Variants in SORCS2 observed in about 807,000 individuals in gnomAD.
The protein encoded by SORCS2 is sortilin related VPS10 domain containing receptor 2, also known as VPS10 domain-containing receptor SorCS2.
In SORCS2, 100 loss-of-function variants were observed where a neutral mutation model predicts 141.6. That is an observed-to-expected ratio of 0.71 (90% CI 0.60 to 0.83). The LOEUF (loss-of-function observed/expected upper bound fraction) is 0.83. Ranked by LOEUF, SORCS2 falls within the 40% of genes least tolerant of loss-of-function variation. SORCS2 has a pLI of 0.00. For missense variants in SORCS2, 1,646 were observed against 1,560.2 expected, an observed-to-expected ratio of 1.05 and a Z score of -0.93; for synonymous variants, 789 against 676.9, an observed-to-expected ratio of 1.17 and a Z score of -2.57.
intron 9 of SORCS2, among the ~76,000 whole-genome samples, chr4:7,681,700 T>G (rs2108965722): frequency 6.6e-6 from 1 of 152,334 alleles, no homozygotes; most frequent in Non-Finnish European, 1.5e-5. Context: ...GCTGCTGTTG[T>G]TCTCCCCATA....
intron 2 of SORCS2, among the ~76,000 whole-genome samples, chr4:7,521,671 C>T (rs1733338222): frequency 6.6e-6 from 1 of 152,246 alleles, no homozygotes; most frequent in Non-Finnish European, 1.5e-5. Flanking sequence ...CCTGGGAAAA[C>T]ACATCTGCAG....
rs368717075 is a variant in SORCS2, at chr4:7,676,047, C to T, written c.1162-3C>T. ...ACCCTGTGCTCCCTGCACATCCCCA[C>T]AGGATCTGCAGATCATCAGCACGGA... On this transcript the variant is annotated splice_region_variant and splice_polypyrimidine_tract_variant and intron_variant, in intron 8 of 26. Coordinates refer to ENST00000507866, the MANE Select transcript of SORCS2 (RefSeq NM_020777.3). 292 of 1,576,126 alleles carry T rather than the reference C, an allele frequency of 1.9e-4. 1 individual carries two copies. Among genetic ancestry groups the T allele is most frequent in the Middle Eastern group, 1.7e-4 (1 of 6,018 alleles).
intron 2 of SORCS2, among the ~76,000 whole-genome samples, chr4:7,474,029 C>T (rs1210719966): frequency 2.0e-5 from 3 of 152,188 alleles, no homozygotes; most frequent in Admixed American, 1.3e-4. Context: ...TGTGCCTTGG[C>T]ATGTGCTGAG....
chr4:7,443,450 A>G (rs1235343160), intron 2 of SORCS2, among the ~76,000 whole-genome samples: 1 of 152,162 alleles, frequency 6.6e-6, no homozygotes, highest in Non-Finnish European at 1.5e-5. Flanking sequence ...CAACCCCCTG[A>G]GATCACACAG....
chr4:7,698,359 T>C (rs1315675184), intron 12 of SORCS2, among the ~76,000 whole-genome samples: 1 of 152,252 alleles, frequency 6.6e-6, no homozygotes, highest in Non-Finnish European at 1.5e-5. Context: ...GATCCCAAAG[T>C]GCAGGCTTCA....
intron 1 of SORCS2, among the ~76,000 whole-genome samples, chr4:7,202,349 C>T (rs1727526625): frequency 6.6e-6 from 1 of 152,188 alleles, no homozygotes; most frequent in African/African-American, 2.4e-5. Context: ...TGAGTGAGGA[C>T]TCTCCTTGGA....
intron 2 of SORCS2, among the ~76,000 whole-genome samples, chr4:7,472,932 A>G (rs575322132): frequency 6.6e-6 from 1 of 152,092 alleles, no homozygotes; most frequent in African/African-American, 2.4e-5. Flanking sequence ...AAAAAAAACA[A>G]AATAGCCCTG....
At chr4:7,504,692 C>T (rs1272463858) in intron 2 of SORCS2, among the ~76,000 whole-genome samples, 5 of 152,202 alleles carry the variant, frequency 3.3e-5, no homozygotes, top group Non-Finnish European at 2.9e-5. Context: ...TATATGCTGT[C>T]GCTATCACGA....
At chr4:7,577,417 G>A (rs941430382) in intron 3 of SORCS2, among the ~76,000 whole-genome samples, 5 of 152,026 alleles carry the variant, frequency 3.3e-5, no homozygotes, top group Non-Finnish European at 7.4e-5. Context: ...TAGTGCCATG[G>A]TTTGGAGAAG....
At chr4:7,285,157 C>G (rs757584585) in intron 1 of SORCS2, among the ~76,000 whole-genome samples, 2 of 152,002 alleles carry the variant, frequency 1.3e-5, no homozygotes, top group East Asian at 3.9e-4. Context: ...CTCAGCCTCC[C>G]GAGGAGCTGG....
intron 2 of SORCS2, among the ~76,000 whole-genome samples, chr4:7,403,961 G>GTATATATATATATA (rs71635960): frequency 2.0e-3 from 59 of 29,674 alleles, no homozygotes; most frequent in South Asian, 3.6e-3. Flanking sequence ...CTCCATGTGT[G>GTATATATATATATA]TATATATATA....
intron 5 of SORCS2, among the ~76,000 whole-genome samples, chr4:7,659,189 C>T (rs1374971591): frequency 1.3e-5 from 2 of 150,658 alleles, no homozygotes; most frequent in South Asian, 2.1e-4. Context: ...GTTCAGTGGG[C>T]ACATGGAGAT....
At chr4:7,653,742 G>A (rs1228577156) in intron 4 of SORCS2, among the ~76,000 whole-genome samples, 1 of 152,192 alleles carries the variant, frequency 6.6e-6, no homozygotes, top group Non-Finnish European at 1.5e-5. Context: ...GGCCACTGCT[G>A]TGTCCTGCTC....
intron 1 of SORCS2, among the ~76,000 whole-genome samples, chr4:7,251,277 G>A (rs1713493277): frequency 6.6e-6 from 1 of 152,196 alleles, no homozygotes; most frequent in African/African-American, 2.4e-5. Context: ...TCTGGTCTCT[G>A]CTAAGGGATT....
chr4:7,537,787 G>A (rs1050495614), intron 3 of SORCS2, among the ~76,000 whole-genome samples: 4 of 152,050 alleles, frequency 2.6e-5, no homozygotes, highest in African/African-American at 7.3e-5. Flanking sequence ...CTGGAGCATC[G>A]CTTGAGCCCA....
At chr4:7,557,293 C>G (rs1714206711) in intron 3 of SORCS2, among the ~76,000 whole-genome samples, 1 of 152,120 alleles carries the variant, frequency 6.6e-6, no homozygotes, top group South Asian at 2.1e-4. Flanking sequence ...GCAGGGATGG[C>G]TGGGGGCACG....
chr4:7,704,757 C>T (rs1012533941), intron 14 of SORCS2, among the ~76,000 whole-genome samples: 18 of 152,198 alleles, frequency 1.2e-4, no homozygotes, highest in African/African-American at 3.4e-4. Flanking sequence ...GGAGCAGAGA[C>T]GCTTAGGACA....
At chr4:7,713,312 T>C (rs1200147690) in intron 15 of SORCS2, among the ~76,000 whole-genome samples, 1 of 151,822 alleles carries the variant, frequency 6.6e-6, no homozygotes, top group African/African-American at 2.4e-5. Context: ...AGACCATCAG[T>C]GGCCCATCTG....
At chr4:7,541,021 A>G (rs1015686120) in intron 3 of SORCS2, among the ~76,000 whole-genome samples, 5 of 152,180 alleles carry the variant, frequency 3.3e-5, no homozygotes, top group African/African-American at 4.8e-5. Context: ...GACAGGACCA[A>G]ACTATCCCTT....
Sources: allele counts gnomAD v4.1 joint callset (sites outside exome capture counted in the v4.1 genomes callset), GRCh38; gene constraint gnomAD v4.1.1; transcripts MANE v1.5; gene names NCBI Gene and HGNC (gene_info 2026-07-23, HGNC 2026-07-21).